CCDC68: variants seen among roughly 807,000 people sequenced by gnomAD.
CCDC68 encodes the protein coiled-coil domain-containing protein 68.
Under a neutral mutation model 47.1 loss-of-function variants are expected in CCDC68, and 45 were observed. The ratio of observed to expected loss-of-function variants is 0.96; its 90% CI spans 0.75 to 1.23. CCDC68 has a LOEUF of 1.23. CCDC68 is among the 50% of genes most tolerant of loss of function. The probability of loss-of-function intolerance (pLI) is 0.00; values close to 1 mark genes in which losing one functional copy is unlikely to be tolerated. For synonymous variants in CCDC68, 131 were observed against 129.5 expected, an observed-to-expected ratio of 1.01 and a Z score of -0.08; for missense variants, 353 against 373.6, an observed-to-expected ratio of 0.94 and a Z score of 0.45.
At chr18:54,920,103 C>T (rs2044030216) in intron 8 of CCDC68, among the ~76,000 whole-genome samples, 2 of 152,118 alleles carry the variant, frequency 1.3e-5, no homozygotes, top group African/African-American at 4.8e-5. Context: ...TCTCTTCTTG[C>T]TACTGTTATT....
chr18:54,950,725 T>C (rs1384306012), intron 1 of CCDC68, among the ~76,000 whole-genome samples: 1 of 149,348 alleles, frequency 6.7e-6, no homozygotes, highest in Non-Finnish European at 1.5e-5. Context: ...ATTTACCAAA[T>C]AATTTTTCAT....
chr18:54,921,811 G>A (rs2044065708), intron 8 of CCDC68, among the ~76,000 whole-genome samples: 1 of 152,212 alleles, frequency 6.6e-6, no homozygotes, highest in South Asian at 2.1e-4. Context: ...GGTCAATGCA[G>A]GCTGAAGGAA....
At chr18:54,931,463 G>C (rs920917301) in intron 7 of CCDC68, among the ~76,000 whole-genome samples, 26 of 152,152 alleles carry the variant, frequency 1.7e-4, no homozygotes, top group African/African-American at 9.7e-5. Context: ...TAAATGTTTT[G>C]GAACCAAGTC....
chr18:54,934,860 T>C lies in CCDC68; in HGVS notation c.560A>G (p.Gln187Arg), dbSNP rs1245104089. The C allele has an allele frequency of 1.9e-6, 3 of 1,602,516 alleles. No homozygotes were observed. Among genetic ancestry groups the C allele is most frequent in the Non-Finnish European group, 2.6e-6 (3 of 1,175,060 alleles). ...VAEKLEEKHS[Q>R]ITELENLVQR... ...TACAAGGTTCTCCAATTCTGTAATTTGACTGTGTTTTTCTTCAAGTTTTTC... is the reference window on the plus strand; with the variant it reads ...TACAAGGTTCTCCAATTCTGTAATTCGACTGTGTTTTTCTTCAAGTTTTTC... Residue 187 changes from glutamine (Q) to arginine (R), a missense_variant, in exon 7 of 12, where the codon CAA becomes CGA. Coordinates refer to ENST00000591504, the MANE Select transcript of CCDC68 (RefSeq NM_025214.3).
chr18:54,957,735 G>A (rs1157129660), intron 1 of CCDC68, among the ~76,000 whole-genome samples: 2 of 151,124 alleles, frequency 1.3e-5, no homozygotes, highest in African/African-American at 4.9e-5. Context: ...TAAATTCATG[G>A]TAAAATTTTG....
intron 4 of CCDC68, 152 bp downstream of exon 4, chr18:54,940,845 A>C: frequency 1.7e-6 from 1 of 585,252 alleles, no homozygotes; most frequent in Non-Finnish European, 3.0e-6. Context: ...TTGTGGTTAA[A>C]CATTTCACAC....
In CCDC68 at chr18:54,945,419, C is replaced by T. The variant is rs189551353; in HGVS notation, c.-44G>A. 3.3e-5 allele frequency: 5 copies of T among 152,256 alleles called. No individual in the cohort carries two copies. The highest frequency in any genetic ancestry group is 3.9e-4 in the East Asian group (2 of 5,186). 9.4% of individuals were successfully genotyped at this position (152,256 alleles called of 1,614,324 possible). ...CGAAGTAAAATTAATAGAGCTAAAA[C>T]GCCAACCTTGGTCTTTTAGAAGTTC... On this transcript the variant is annotated 5_prime_UTR_variant, in exon 2 of 12. Coordinates refer to ENST00000591504, the MANE Select transcript of CCDC68 (RefSeq NM_025214.3).
At chr18:54,939,733 C>T (rs1158533647) in intron 4 of CCDC68, among the ~76,000 whole-genome samples, 3 of 152,126 alleles carry the variant, frequency 2.0e-5, no homozygotes, top group East Asian at 1.9e-4. Flanking sequence ...GGGGTCCCGC[C>T]GTGCTTCTGA....
intron 1 of CCDC68, among the ~76,000 whole-genome samples, chr18:54,955,274 A>G (rs187653956): frequency 3.5e-4 from 53 of 152,310 alleles, no homozygotes; most frequent in Admixed American, 1.4e-3. Context: ...TCAGTGAGCT[A>G]GGATCCTGAC....
chr18:54,915,864 G>C (rs1346534003), intron 10 of CCDC68, among the ~76,000 whole-genome samples: 1 of 152,144 alleles, frequency 6.6e-6, no homozygotes, highest in African/African-American at 2.4e-5. Flanking sequence ...AGGAGGCAGA[G>C]GTTGCAGTGA....
chr18:54,910,569 A>G (rs1381251687), intron 10 of CCDC68, among the ~76,000 whole-genome samples: 1 of 152,192 alleles, frequency 6.6e-6, no homozygotes, highest in African/African-American at 2.4e-5. Context: ...TCCTGTCCTG[A>G]AGGTGAGGAC....
At chr18:54,930,653 CCCTTCCTTCCTT>C (rs1426771531) in intron 7 of CCDC68, among the ~76,000 whole-genome samples, 1 of 18,344 alleles carries the variant, frequency 5.5e-5, no homozygotes, top group Non-Finnish European at 1.2e-4. Flanking sequence ...CTCCCTCCCT[CCCTTCCTTCCTT>C]CCTTCCTTCC....
intron 7 of CCDC68, among the ~76,000 whole-genome samples, chr18:54,931,942 T>G (rs2044271454): frequency 1.3e-5 from 2 of 152,146 alleles, no homozygotes; most frequent in Admixed American, 1.3e-4. Context: ...CCAATATTTA[T>G]CAACCTTTGT....
intron 1 of CCDC68, among the ~76,000 whole-genome samples, chr18:54,956,114 C>T (rs1322546525): frequency 2.0e-5 from 3 of 152,040 alleles, no homozygotes; most frequent in Non-Finnish European, 4.4e-5. Flanking sequence ...CTCAGCCTCC[C>T]GAGTAGCTGG....
intron 8 of CCDC68, among the ~76,000 whole-genome samples, chr18:54,925,123 A>G (rs1386677591): frequency 1.3e-5 from 2 of 152,198 alleles, no homozygotes; most frequent in African/African-American, 2.4e-5. Context: ...TGTGACTCAG[A>G]AAACTAATCA....
intron 10 of CCDC68, among the ~76,000 whole-genome samples, chr18:54,911,932 C>G: frequency 6.6e-6 from 1 of 152,130 alleles, no homozygotes; most frequent in Non-Finnish European, 1.5e-5. Flanking sequence ...AGTCTTGATT[C>G]ATAGACTTTT....
chr18:54,954,021 C>T (rs1427503905), intron 1 of CCDC68, among the ~76,000 whole-genome samples: 4 of 120,558 alleles, frequency 3.3e-5, no homozygotes, highest in Admixed American at 2.7e-4. Flanking sequence ...CCCTCGCCTT[C>T]CCTTCCCTTC....
intron 1 of CCDC68, among the ~76,000 whole-genome samples, chr18:54,953,061 G>A (rs548670906): frequency 1.3e-5 from 2 of 151,954 alleles, no homozygotes; most frequent in Non-Finnish European, 2.9e-5. Context: ...ACATAGATAA[G>A]TGTCAAATGC....
chr18:54,929,452 G>T (rs2226879), intron 7 of CCDC68, among the ~76,000 whole-genome samples: 34,659 of 152,116 alleles, frequency 0.23, 4,381 homozygotes, highest in African/African-American at 0.35. Flanking sequence ...CTTTTAAAAA[G>T]ATGCCTTAAT....
Sources: allele counts gnomAD v4.1 joint callset (sites outside exome capture counted in the v4.1 genomes callset), GRCh38; gene constraint gnomAD v4.1.1; transcripts MANE v1.5; gene names NCBI Gene and HGNC (gene_info 2026-07-23, HGNC 2026-07-21).